The following DIS3L2 variants were observed in gnomAD, a reference collection of about 807,000 sequenced individuals.
DIS3L2 encodes the protein DIS3-like exonuclease 2.
Under a neutral mutation model 97.5 loss-of-function variants are expected in DIS3L2, and 34 were observed. That is an observed-to-expected ratio of 0.35 (90% CI 0.27 to 0.46). The LOEUF (loss-of-function observed/expected upper bound fraction) is 0.46, where lower values mean the gene tolerates loss of function less well. DIS3L2 is among the 20% of genes least tolerant of loss of function. DIS3L2 has a pLI of 1.00. For missense variants in DIS3L2, 1,038 were observed against 1,146.0 expected, an observed-to-expected ratio of 0.91 and a Z score of 1.36; for synonymous variants, 435 against 445.2, an observed-to-expected ratio of 0.98 and a Z score of 0.29.
rs528213596 is a variant in DIS3L2 at position 232,292,110 on chromosome 2, G to A, written c.1660-7930G>A. Among the ~76,000 whole-genome samples the A allele has an allele frequency of 2.0e-5, 3 of 152,256 alleles. No individual in the cohort carries two copies. Among genetic ancestry groups the A allele is most frequent in the African/African-American group, 7.2e-5 (3 of 41,538 alleles). ...CATGCTTGCCTAGCCACACTTTCCTGTCTTGTCTCGTCACGCTTCTGGTTA... is the reference window on the plus strand; with the variant it reads ...CATGCTTGCCTAGCCACACTTTCCTATCTTGTCTCGTCACGCTTCTGGTTA... On this transcript the variant is annotated intron_variant, in intron 13 of 20. Transcript: ENST00000325385. This position sits in a 1 kb window ranked among gnomAD's most constrained non-coding sequence, Gnocchi z 4.4.
intron 8 of DIS3L2, among the ~76,000 whole-genome samples, chr2:232,137,486 A>G (rs1319978760): frequency 5.3e-5 from 8 of 152,210 alleles, no homozygotes; most frequent in Non-Finnish European, 1.2e-4. Flanking sequence ...CAATCTAGAA[A>G]AGAGCCTGTT....
At chr2:232,328,842 C>T (rs1695649449) in intron 14 of DIS3L2, 2 of 152,268 alleles carry the variant, frequency 1.3e-5, no homozygotes, top group African/African-American at 4.8e-5. Flanking sequence ...CTCTTGTGCA[C>T]ATGTGTGATC....
rs540482393 is a variant in DIS3L2, at chr2:232,325,501, C to G, written c.1740-4312C>G. Among the ~76,000 whole-genome samples the G allele has an allele frequency of 2.0e-4, 31 of 152,326 alleles. No homozygotes were observed. In the South Asian group the frequency reaches 6.0e-3, roughly 30 times the overall value. On this transcript the variant is annotated intron_variant, in intron 14 of 20. Transcript: ENST00000325385. This position sits in a 1 kb window ranked among gnomAD's most constrained non-coding sequence, Gnocchi z 4.6. ...TACCTGAGCCTCCCCCTCCCCACCC[C>G]CTCCTGCCCCAGGGAGGCCCAGAAC...
intron 1 of DIS3L2, among the ~76,000 whole-genome samples, chr2:232,011,103 T>G: frequency 6.6e-6 from 1 of 152,220 alleles, no homozygotes; most frequent in Admixed American, 6.5e-5. Context: ...TGACCGCTAT[T>G]GCCTGTTCAT....
intron 11 of DIS3L2, among the ~76,000 whole-genome samples, chr2:232,248,135 C>T (rs1465331549): frequency 6.6e-6 from 1 of 152,210 alleles, no homozygotes; most frequent in Non-Finnish European, 1.5e-5. Context: ...AGTACAGTTG[C>T]AGATACTTCA....
chr2:232,076,869 C>G (rs1397583002), intron 5 of DIS3L2, among the ~76,000 whole-genome samples: 1 of 152,168 alleles, frequency 6.6e-6, no homozygotes, highest in East Asian at 1.9e-4. Flanking sequence ...ATTTCCCACT[C>G]CCAGTATTGC....
intron 10 of DIS3L2, among the ~76,000 whole-genome samples, chr2:232,228,310 G>A (rs1423130595): frequency 6.6e-6 from 1 of 152,134 alleles, no homozygotes; most frequent in Non-Finnish European, 1.5e-5. Flanking sequence ...ATGAAAATAT[G>A]CTACAATTCT....
chr2:232,253,767 G>A (rs764052032), intron 12 of DIS3L2, among the ~76,000 whole-genome samples: 22 of 152,110 alleles, frequency 1.4e-4, no homozygotes, highest in Non-Finnish European at 3.2e-4. Context: ...TAGCAGACAG[G>A]TTATATAGAA....
downstream of DIS3L2, chr2:232,337,193 C>T (rs1477373434): frequency 8.1e-6 from 8 of 993,194 alleles, no homozygotes; most frequent in Non-Finnish European, 9.6e-6. Context: ...TAGTATGCAA[C>T]ACTGAGAGCG....
chr2:232,118,672 A>G (rs1300516355), intron 6 of DIS3L2, among the ~76,000 whole-genome samples: 1 of 152,142 alleles, frequency 6.6e-6, no homozygotes, highest in African/African-American at 2.4e-5. Flanking sequence ...TTTCTCCACA[A>G]TAGCCATATA....
intron 6 of DIS3L2, among the ~76,000 whole-genome samples, chr2:232,129,578 A>G (rs1304176713): frequency 1.3e-5 from 2 of 152,254 alleles, no homozygotes; most frequent in Non-Finnish European, 2.9e-5. Flanking sequence ...GGTAGATTTC[A>G]GCATAGATGG....
Position 232,181,624 on chromosome 2 carries a change from A to G in DIS3L2, c.1124+17992A>G, listed in dbSNP as rs925935454. ...ATCGCATCGGCCACCATGCCCGGCT[A>G]TTTTTTTTAATTTTTTAATTTTTTA... On this transcript the variant is annotated intron_variant, in intron 9 of 20. Transcript: ENST00000325385. Among the ~76,000 whole-genome samples, 5 of 151,128 alleles carry G rather than the reference A, an allele frequency of 3.3e-5. No individual in the cohort carries two copies. In the South Asian group the frequency reaches 1.1e-3, roughly 32 times the overall value.
intron 6 of DIS3L2, among the ~76,000 whole-genome samples, chr2:232,119,261 C>T (rs939370164): frequency 1.3e-5 from 2 of 152,222 alleles, no homozygotes; most frequent in African/African-American, 4.8e-5. Context: ...TTAACTCGCT[C>T]AGATGACTTA....
chr2:232,196,646 T>C (rs1691764614), intron 9 of DIS3L2, among the ~76,000 whole-genome samples: 1 of 151,956 alleles, frequency 6.6e-6, no homozygotes, highest in Non-Finnish European at 1.5e-5. Context: ...TTGTGGACTC[T>C]CCCTTTGAAA....
chr2:232,288,351 C>T (rs367935705), intron 13 of DIS3L2, among the ~76,000 whole-genome samples: 1 of 152,206 alleles, frequency 6.6e-6, no homozygotes, highest in East Asian at 1.9e-4. Context: ...CTTCTGAAAT[C>T]GTAGAGCGTC....
At chr2:232,023,757 G>A (rs1207987115) in intron 3 of DIS3L2, among the ~76,000 whole-genome samples, 2 of 152,136 alleles carry the variant, frequency 1.3e-5, no homozygotes, top group East Asian at 3.9e-4. Flanking sequence ...GACTCATTCA[G>A]CTCTGCAGAG....
intron 1 of DIS3L2, among the ~76,000 whole-genome samples, chr2:231,971,004 A>G (rs922834602): frequency 1.3e-5 from 2 of 152,178 alleles, no homozygotes; most frequent in African/African-American, 4.8e-5. Flanking sequence ...AGTCAGGTTC[A>G]TCAGTATCAC....
chr2:232,298,732 AG>A (rs1448235467), intron 13 of DIS3L2, among the ~76,000 whole-genome samples: 6 of 152,242 alleles, frequency 3.9e-5, no homozygotes, highest in African/African-American at 1.4e-4. Context: ...AGTTAATTTT[AG>A]TTAAAATCTC....
intron 10 of DIS3L2, among the ~76,000 whole-genome samples, chr2:232,220,048 G>T (rs1038099109): frequency 6.6e-6 from 1 of 151,866 alleles, no homozygotes; most frequent in Admixed American, 6.6e-5. Flanking sequence ...AAGATAGGAG[G>T]CTCACTTAAC....
Sources: gnomAD v4.1 joint callset for allele counts (sites outside exome capture counted in the v4.1 genomes callset) on GRCh38, gnomAD v4.1.1 for gene constraint, Gnocchi (gnomAD v3.1) non-coding constraint, MANE v1.5 for transcripts, NCBI Gene and HGNC (gene_info 2026-07-23, HGNC 2026-07-21) for gene names.